F9: variants seen among roughly 807,000 people sequenced by gnomAD.
F9 encodes coagulation factor IX, also known as Christmas factor.
F9 carries 2 observed loss-of-function variants against 34.1 expected under a neutral mutation model. The ratio of observed to expected loss-of-function variants is 0.06; its 90% CI spans 0.02 to 0.18. The LOEUF is 0.18. Ranked by LOEUF, F9 falls within the 10% of genes least tolerant of loss-of-function variation. The probability of loss-of-function intolerance (pLI) is 1.00; values close to 1 mark genes in which losing one functional copy is unlikely to be tolerated. For missense variants in F9, 216 were observed against 345.1 expected (o/e 0.63, Z 2.96); for synonymous variants, 137 against 118.8 (o/e 1.15, Z -1.00).
intron 1 of F9, among the ~76,000 whole-genome samples, chrX:139,532,266 G>C (rs1167825611): frequency 9.0e-6 from 1 of 111,424 alleles, no homozygotes; most frequent in African/African-American, 3.3e-5. Flanking sequence ...AGGGGCCAGG[G>C]GAATTTTTCT....
At position 139,562,671 on chromosome X, in the gene F9, A is replaced by G. The variant is rs772333923; in HGVS notation, c.*600A>G. On this transcript the variant is annotated 3_prime_UTR_variant, in exon 8 of 8. Coordinates refer to ENST00000218099, the MANE Select transcript of F9 (RefSeq NM_000133.4). ...ACTCCCTCTCTCCCTTTTACCCTCCATGGTCGTTAAAGGAGAGATGGGGAG... is the reference window on the plus strand; with the variant it reads ...ACTCCCTCTCTCCCTTTTACCCTCCGTGGTCGTTAAAGGAGAGATGGGGAG... The G allele has an allele frequency of 1.8e-5, 2 of 110,593 alleles. No individual in the cohort carries two copies. The highest frequency in any genetic ancestry group is 3.7e-5 in the Non-Finnish European group (2 of 53,459). The allele number at this position is 110,593 out of a possible 1,213,427, so 9.1% of individuals were successfully genotyped here.
At chrX:139,548,897 G>T (rs910420603) in intron 5 of F9, among the ~76,000 whole-genome samples, 2 of 111,904 alleles carry the variant, frequency 1.8e-5, no homozygotes, top group Non-Finnish European at 1.9e-5. Context: ...TATCTGGGCT[G>T]GCTAGTTTAC....
chrX:139,561,656 C>A lies in F9; in HGVS notation c.971C>A (p.Pro324His), dbSNP rs1225527981. 3.3e-6 allele frequency: 4 copies of A among 1,211,792 alleles called. No individual in the cohort carries two copies. Among genetic ancestry groups the A allele is most frequent in the Non-Finnish European group, 4.5e-6 (4 of 895,474 alleles). Residue 324 changes from proline (P) to histidine (H), a missense_variant, in exon 8 of 8, where the codon CCC becomes CAC. Transcript: ENST00000218099. ...HDIALLELDE[P>H]LVLNSYVTPI... ...ATTGCCCTTCTGGAACTGGACGAAC[C>A]CTTAGTGCTAAACAGCTACGTTACA...
intron 4 of F9, among the ~76,000 whole-genome samples, chrX:139,545,840 C>T (rs905946604): frequency 9.0e-6 from 1 of 111,047 alleles, no homozygotes; most frequent in Non-Finnish European, 1.9e-5. Flanking sequence ...ATTTCATTCT[C>T]TTATGTTTGA....
rs137852254 is a variant in F9 at position 139,561,710 on chromosome X, C to T, written c.1025C>T (p.Thr342Met). The change falls in exon 8 of 8, where the codon ACG becomes ATG. Residue 342 changes from threonine (T) to methionine (M), a missense_variant. Around this residue, in one of 2 missense-constraint regions of F9, gnomAD observed 177 missense variants for 311.8 expected, o/e 0.57. Coordinates refer to ENST00000218099, the MANE Select transcript of F9 (RefSeq NM_000133.4). ...TPICIADKEY[T>M]NIFLKFGSGY... ...ATTTGCATTGCTGACAAGGAATACACGAACATCTTCCTCAAATTTGGATCT... is the reference window on the plus strand; with the variant it reads ...ATTTGCATTGCTGACAAGGAATACATGAACATCTTCCTCAAATTTGGATCT... The T allele has an allele frequency of 8.3e-7, 1 of 1,211,726 alleles. No homozygotes were observed. Among genetic ancestry groups the T allele is most frequent in the Non-Finnish European group, 1.1e-6 (1 of 895,381 alleles).
At chrX:139,537,437 A>C (rs1195752233) in intron 3 of F9, 51 bp downstream of exon 3, 1 of 1,040,909 alleles carries the variant, frequency 9.6e-7, no homozygotes, top group Non-Finnish European at 1.3e-6. Context: ...TATGAGAATT[A>C]TGTGGGTTTT....
intron 1 of F9, among the ~76,000 whole-genome samples, chrX:139,532,376 T>G (rs763764649): frequency 8.9e-6 from 1 of 112,247 alleles, no homozygotes; most frequent in East Asian, 2.8e-4. Flanking sequence ...TGTTGCATTT[T>G]CATGGCTGCT....
chrX:139,535,905 T>C (rs1927448139), intron 1 of F9, among the ~76,000 whole-genome samples: 1 of 110,570 alleles, frequency 9.0e-6, no homozygotes, highest in East Asian at 2.8e-4. Context: ...CTAGGTTGTA[T>C]TGATGTGGCC....
rs1928128106 is a variant in F9 at position 139,561,944 on chromosome X, A to G, written c.1259A>G (p.Glu420Gly). 8.3e-7 allele frequency: 1 copy of G among 1,210,010 alleles called. No homozygotes were observed. Among genetic ancestry groups the G allele is most frequent in the Non-Finnish European group, 1.1e-6 (1 of 895,191 alleles). The change falls in exon 8 of 8, where the codon GAA becomes GGA. Residue 420 changes from glutamate (E) to glycine (G), a missense_variant. Physicochemically the swap from Glu to Gly is moderately conservative, Grantham distance 98. Transcript: ENST00000218099. ...GGGGGACCCCATGTTACTGAAGTGG[A>G]AGGGACCAGTTTCTTAACTGGAATT... ...DSGGPHVTEV[E>G]GTSFLTGIIS...
At chrX:139,540,317 G>A (rs1405141135) in intron 3 of F9, among the ~76,000 whole-genome samples, 4 of 111,617 alleles carry the variant, frequency 3.6e-5, no homozygotes, top group Non-Finnish European at 5.7e-5. Context: ...TCAAGTACAC[G>A]GTAAATGCAG....
At chrX:139,551,593 T>A (rs190860654) in intron 6 of F9, among the ~76,000 whole-genome samples, 1 of 111,201 alleles carries the variant, frequency 9.0e-6, no homozygotes, top group Non-Finnish European at 1.9e-5. Context: ...CTTCAGCCCT[T>A]GCAAAAACTG....
At chrX:139,536,176 CAT>C (rs1311971280) in intron 1 of F9, among the ~76,000 whole-genome samples, 16 of 83,919 alleles carry the variant, frequency 1.9e-4, no homozygotes, top group African/African-American at 4.7e-4. Context: ...TATATGTATA[CAT>C]ATATATGTGT....
intron 1 of F9, among the ~76,000 whole-genome samples, chrX:139,534,368 G>C (rs1449613852): frequency 8.9e-6 from 1 of 111,976 alleles, no homozygotes; most frequent in Non-Finnish European, 1.9e-5. Flanking sequence ...AAGGTCACAG[G>C]TCTAGAGGAG....
chrX:139,562,062 G>T lies in F9; in HGVS notation c.1377G>T (p.Lys459Asn), dbSNP rs1177599320. 3 of 1,209,686 alleles carry T rather than the reference G, an allele frequency of 2.5e-6. No individual in the cohort carries two copies. The highest frequency in any genetic ancestry group is 3.5e-5 in the South Asian group (2 of 56,894). ...RYVNWIKEKT[K>N]LT Reference sequence around the variant, plus strand: ...TCAACTGGATTAAGGAAAAAACAAAGCTCACTTAATGAAAGATGGATTTCC... The same window carrying T: ...TCAACTGGATTAAGGAAAAAACAAATCTCACTTAATGAAAGATGGATTTCC... Residue 459 changes from lysine (K) to asparagine (N), a missense_variant, in exon 8 of 8, where the codon AAG becomes AAT. Lys to Asn is a moderately conservative substitution (Grantham distance 94). Coordinates refer to ENST00000218099, the MANE Select transcript of F9 (RefSeq NM_000133.4).
intron 1 of F9, among the ~76,000 whole-genome samples, chrX:139,536,727 T>C (rs1287550492): frequency 1.8e-5 from 2 of 112,122 alleles, no homozygotes; most frequent in African/African-American, 6.5e-5. Context: ...TAACCGCTCA[T>C]TTGAGAACTT....
chrX:139,544,699 C>G (rs1927676127), intron 4 of F9: 1 of 111,484 alleles, frequency 9.0e-6, no homozygotes, highest in Non-Finnish European at 1.9e-5. Context: ...GAGAAAGGAA[C>G]TGAAGAGTGA....
chrX:139,531,609 C>A (rs1288211872), intron 1 of F9, among the ~76,000 whole-genome samples: 2 of 112,383 alleles, frequency 1.8e-5, no homozygotes, highest in Admixed American at 1.9e-4. Flanking sequence ...TGTTTTTTCA[C>A]AACTACAGTG....
chrX:139,550,181 C>T (rs957507950), intron 5 of F9, among the ~76,000 whole-genome samples: 1 of 112,230 alleles, frequency 8.9e-6, no homozygotes, highest in African/African-American at 3.2e-5. Context: ...AGCTTTTCTG[C>T]CTTTTCAATG....
chrX:139,558,695 A>G (rs1928027508), intron 6 of F9, among the ~76,000 whole-genome samples: 1 of 111,949 alleles, frequency 8.9e-6, no homozygotes, highest in Non-Finnish European at 1.9e-5. Context: ...TCCTGCCCGG[A>G]GTGAGGACTT....
Sources: gnomAD v4.1 joint callset for allele counts (sites outside exome capture counted in the v4.1 genomes callset) on GRCh38, gnomAD v4.1.1 for gene constraint, gnomAD v4.1.1 regional missense constraint, MANE v1.5 for transcripts, NCBI Gene and HGNC (gene_info 2026-07-23, HGNC 2026-07-21) for gene names.